Variants in ARID2 observed in about 807,000 individuals in gnomAD.
ARID2 encodes the protein AT-rich interaction domain 2, also known as AT-rich interactive domain-containing protein 2.
In ARID2, 32 loss-of-function variants were observed where a neutral mutation model predicts 184.6. That is an observed-to-expected ratio of 0.17 (90% CI 0.13 to 0.23). The LOEUF is 0.23. ARID2 is among the 10% of genes least tolerant of loss of function. The pLI is 1.00. For missense variants in ARID2, 1,696 were observed against 2,197.6 expected, an observed-to-expected ratio of 0.77 and a Z score of 4.56; for synonymous variants, 836 against 772.6, an observed-to-expected ratio of 1.08 and a Z score of -1.36.
chr12:45,835,771 G>C (rs759177981), intron 6 of ARID2, among the ~76,000 whole-genome samples: 2 of 151,956 alleles, frequency 1.3e-5, no homozygotes, highest in Admixed American at 6.6e-5. Context: ...GTGGTGGCGC[G>C]TGCCTATAAT....
chr12:45,767,914 A>G (rs1017724101), intron 3 of ARID2, among the ~76,000 whole-genome samples: 3 of 152,228 alleles, frequency 2.0e-5, no homozygotes, highest in African/African-American at 7.2e-5. Context: ...ACAGGACAGC[A>G]TGAGTCTTTC....
At chr12:45,888,472 A>T (rs956451070) in intron 16 of ARID2, among the ~76,000 whole-genome samples, 2 of 152,232 alleles carry the variant, frequency 1.3e-5, no homozygotes, top group Non-Finnish European at 2.9e-5. Flanking sequence ...AAGGTGGACC[A>T]AACGTTACTT....
intron 3 of ARID2, among the ~76,000 whole-genome samples, chr12:45,809,507 CT>C (rs1177022623): frequency 6.6e-6 from 1 of 152,152 alleles, no homozygotes; most frequent in African/African-American, 2.4e-5. Flanking sequence ...TCTTAATCAT[CT>C]TTTTGTTCTG....
chr12:45,829,977 C>T (rs1458118842), intron 6 of ARID2, among the ~76,000 whole-genome samples: 1 of 148,516 alleles, frequency 6.7e-6, no homozygotes, highest in Non-Finnish European at 1.5e-5. Flanking sequence ...TTCTCTCCAT[C>T]CTATTTTAGA....
At position 45,730,031 on chromosome 12, in the gene ARID2, T is replaced by C. The variant is rs1462143346; in HGVS notation, c.93-13T>C. On this transcript the variant is annotated splice_polypyrimidine_tract_variant and intron_variant, in intron 1 of 20. Transcript: ENST00000334344. Reference sequence around the variant, plus strand: ...TCCCGGCTGACAAGTGCGGGGCTTTTTCTCTCCCGCAGGTCGCCTTTTAAA... The same window carrying C: ...TCCCGGCTGACAAGTGCGGGGCTTTCTCTCTCCCGCAGGTCGCCTTTTAAA... 6.2e-7 allele frequency: 1 copy of C among 1,612,556 alleles called. No homozygotes were observed. Among genetic ancestry groups the C allele is most frequent in the Admixed American group, 1.7e-5 (1 of 59,930 alleles).
At chr12:45,847,042 T>G (rs1943456539) in intron 12 of ARID2, 105 bp downstream of exon 12, 3 of 962,750 alleles carry the variant, frequency 3.1e-6, no homozygotes, top group East Asian at 2.6e-5. Context: ...TCTGTATTCC[T>G]TTTTAGTTAG....
intron 16 of ARID2, among the ~76,000 whole-genome samples, chr12:45,865,978 G>A (rs902016648): frequency 2.0e-5 from 3 of 151,748 alleles, no homozygotes; most frequent in African/African-American, 4.8e-5. Flanking sequence ...CAAAAATAGC[G>A]TTATCAGAAG....
chr12:45,808,329 G>T lies in ARID2; in HGVS notation c.285-3089G>T, dbSNP rs535713428. 3.3e-5 allele frequency among the ~76,000 whole-genome samples: 5 copies of T among 152,242 alleles called. No individual in the cohort carries two copies. In the South Asian group the frequency reaches 8.3e-4, roughly 25 times the overall value. On this transcript the variant is annotated intron_variant, in intron 3 of 20. Coordinates refer to ENST00000334344, the MANE Select transcript of ARID2 (RefSeq NM_152641.4). ...GACCTTGTGCTTATTTATTGAGAGG[G>T]TGCCAAAATCTTTTTGCATCTCAGT...
intron 16 of ARID2, among the ~76,000 whole-genome samples, chr12:45,886,575 G>C (rs968409099): frequency 2.0e-5 from 3 of 152,202 alleles, no homozygotes; most frequent in Admixed American, 6.5e-5. Context: ...TCTCCATGAG[G>C]GTTCTGCCCC....
chr12:45,882,504 C>T (rs1172374509), intron 16 of ARID2, among the ~76,000 whole-genome samples: 5 of 152,208 alleles, frequency 3.3e-5, no homozygotes, highest in African/African-American at 4.8e-5. Flanking sequence ...TACATGATTA[C>T]TTCTACTTCT....
At chr12:45,783,167 GA>G (rs1323036831) in intron 3 of ARID2, among the ~76,000 whole-genome samples, 1 of 150,002 alleles carries the variant, frequency 6.7e-6, no homozygotes, top group Non-Finnish European at 1.5e-5. Context: ...TCTCATGATT[GA>G]AAAAAAAATC....
At chr12:45,871,544 A>T (rs1466643349) in intron 16 of ARID2, among the ~76,000 whole-genome samples, 1 of 152,088 alleles carries the variant, frequency 6.6e-6, no homozygotes, top group Non-Finnish European at 1.5e-5. Context: ...CTCTATATTC[A>T]TGCAAGATTC....
intron 4 of ARID2, among the ~76,000 whole-genome samples, chr12:45,813,890 C>G (rs1942757745): frequency 1.3e-5 from 2 of 152,076 alleles, no homozygotes; most frequent in Admixed American, 6.5e-5. Context: ...GGTTTTCATA[C>G]TGTTTTTGAC....
At chr12:45,902,399 A>C (rs896543431) in intron 20 of ARID2, among the ~76,000 whole-genome samples, 11 of 152,232 alleles carry the variant, frequency 7.2e-5, no homozygotes, top group Non-Finnish European at 1.5e-5. Context: ...ATACTTTTTA[A>C]CATGTGACTA....
intron 3 of ARID2, among the ~76,000 whole-genome samples, chr12:45,762,078 TC>T (rs1196833176): frequency 6.6e-6 from 1 of 152,248 alleles, no homozygotes; most frequent in Non-Finnish European, 1.5e-5. Flanking sequence ...TGATATTTTT[TC>T]ATGTCTGCCT....
chr12:45,851,088 T>A lies in ARID2; in HGVS notation c.2965T>A (p.Ser989Thr), dbSNP rs953393961. ...TAATAACCAAGTCCCTACTGCCATG[T>A]CGTCGTCCTCTACCCCTCAATCACA... ...ATNNQVPTAM[S>T]SSSTPQSQGP... The change falls in exon 15 of 21, where the codon TCG (serine) becomes ACG (threonine). Residue 989 changes from serine (S) to threonine (T), a missense_variant. This residue lies in a region of ARID2 where 713 missense variants were observed against 824.4 expected (regional missense o/e 0.86). Coordinates refer to ENST00000334344, the MANE Select transcript of ARID2 (RefSeq NM_152641.4). 6.2e-7 allele frequency: 1 copy of A among 1,614,116 alleles called. No individual in the cohort carries two copies. Among genetic ancestry groups the A allele is most frequent in the Non-Finnish European group, 8.5e-7 (1 of 1,180,008 alleles).
At position 45,852,416 on chromosome 12, in the gene ARID2, A is replaced by T. The variant is rs1301235371; in HGVS notation, c.4293A>T (p.Ile1431=). Residue 1431 remains isoleucine (I), a synonymous_variant, in exon 15 of 21, where the codon ATA becomes ATT. Transcript: ENST00000334344. The part of the protein sequence containing the change: ...LTLGGSSVSS[I]QEASNAATQQ... ...TGGGTGGTTCATCTGTGAGCAGTAT[A>T]CAGGAGGCTTCAAATGCGGCAACAC... 1.2e-6 allele frequency: 2 copies of T among 1,614,044 alleles called. No homozygotes were observed. Among genetic ancestry groups the T allele is most frequent in the South Asian group, 2.2e-5 (2 of 91,092 alleles).
chr12:45,812,895 C>T (rs1389006344), intron 4 of ARID2, among the ~76,000 whole-genome samples: 1 of 152,178 alleles, frequency 6.6e-6, no homozygotes, highest in Admixed American at 6.5e-5. Context: ...TCCGCTACTA[C>T]TGTTCCCAAA....
chr12:45,827,283 G>A (rs1488697054), intron 6 of ARID2, among the ~76,000 whole-genome samples: 1 of 151,818 alleles, frequency 6.6e-6, no homozygotes, highest in South Asian at 2.1e-4. Flanking sequence ...ATAAAATATT[G>A]TATAATTAGT....
Sources: gnomAD v4.1 joint callset for allele counts (sites outside exome capture counted in the v4.1 genomes callset) on GRCh38, gnomAD v4.1.1 for gene constraint, gnomAD v4.1.1 regional missense constraint, MANE v1.5 for transcripts, NCBI Gene and HGNC (gene_info 2026-07-23, HGNC 2026-07-21) for gene names.